Variants in TECPR2 observed in about 807,000 individuals in gnomAD.
The protein encoded by TECPR2 is tectonin beta-propeller repeat containing 2.
TECPR2 carries 65 observed loss-of-function variants against 138.1 expected under a neutral mutation model. The ratio of observed to expected loss-of-function variants is 0.47; its 90% CI spans 0.39 to 0.58. TECPR2 has a LOEUF of 0.58. TECPR2 is among the 20% of genes least tolerant of loss of function. The pLI is 0.00. For missense variants in TECPR2, 1,553 were observed against 1,824.5 expected (o/e 0.85, Z 2.71); for synonymous variants, 746 against 749.8 (o/e 0.99, Z 0.08).
chr14:102,445,836 A>G lies in TECPR2; in HGVS notation c.2964A>G (p.Ile988Met). Residue 988 changes from isoleucine (I) to methionine (M), a missense_variant, in exon 13 of 20, where the codon ATA becomes ATG. Physicochemically the swap from Ile to Met is conservative, Grantham distance 10. Transcript: ENST00000359520. ...SERQALEPVC[I>M]TLGDQQTLWA... ...GGCAAGCTTTAGAACCCGTCTGCAT[A>G]ACGCTCGGGGATCAGCAGACTCTCT... 6.2e-7 allele frequency: 1 copy of G among 1,613,890 alleles called. No individual in the cohort carries two copies. The highest frequency in any genetic ancestry group is 1.1e-5 in the South Asian group (1 of 91,064).
In TECPR2 at chr14:102,498,182, G is replaced by T. The variant is rs150885756; in HGVS notation, c.4161G>T (p.Ser1387=). 6 of 1,611,552 alleles carry T rather than the reference G, an allele frequency of 3.7e-6. No homozygotes were observed. Among genetic ancestry groups the T allele is most frequent in the Admixed American group, 1.7e-5 (1 of 60,020 alleles). ...GGCTGACAAAGACGTTCAGCCACTC[G>T]CACGGCACCCAGAAGAGCAGCCAGG... The part of the protein sequence containing the change: ...LQRLTKTFSH[S]HGTQKSSQAA... The change falls in exon 20 of 20, where the codon TCG becomes TCT. Residue 1387 remains serine (S), a synonymous_variant. Coordinates refer to ENST00000359520, the MANE Select transcript of TECPR2 (RefSeq NM_014844.5).
At chr14:102,406,405 G>A (rs943245985) in intron 2 of TECPR2, among the ~76,000 whole-genome samples, 3 of 152,056 alleles carry the variant, frequency 2.0e-5, no homozygotes, top group African/African-American at 4.8e-5. Context: ...AAAAAGCGGG[G>A]CGTGGTGGCG....
intron 4 of TECPR2, among the ~76,000 whole-genome samples, chr14:102,412,256 C>G (rs922044864): frequency 6.6e-6 from 1 of 151,540 alleles, no homozygotes; most frequent in Non-Finnish European, 1.5e-5. Flanking sequence ...CTTGGCCTCC[C>G]GAGTAGCTGG....
chr14:102,414,981 G>A (rs1888985087), intron 5 of TECPR2, among the ~76,000 whole-genome samples, 188 bp downstream of exon 5: 1 of 152,190 alleles, frequency 6.6e-6, no homozygotes, highest in African/African-American at 2.4e-5. Context: ...CAGACAAGAA[G>A]AGTGTGTTCT....
chr14:102,428,531 T>A, intron 7 of TECPR2, 149 bp downstream of exon 7: 1 of 1,232,074 alleles, frequency 8.1e-7, no homozygotes, highest in Non-Finnish European at 1.1e-6. Context: ...GAGGCTGAGG[T>A]GGGTGGATCG....
At position 102,434,856 on chromosome 14, in the gene TECPR2, A is replaced by G; in HGVS notation, c.2039A>G (p.Glu680Gly). ...GGCAGCCCCGTGGAGCCCAGCCAAG[A>G]GCAGGACATCCTAACCAGCATGGAG... ...DEGSPVEPSQ[E>G]QDILTSMEAS... The change falls in exon 9 of 20, where the codon GAG becomes GGG. Residue 680 changes from glutamate to glycine, a missense_variant. By Grantham distance (98) the Glu-to-Gly change is moderately conservative. Coordinates refer to ENST00000359520, the MANE Select transcript of TECPR2 (RefSeq NM_014844.5). 2 of 1,613,626 alleles carry G rather than the reference A, an allele frequency of 1.2e-6. No individual in the cohort carries two copies. The highest frequency in any genetic ancestry group is 1.7e-6 in the Non-Finnish European group (2 of 1,180,020).
Position 102,497,657 on chromosome 14 carries a change from C to T in TECPR2, c.4019C>T (p.Thr1340Ile). The T allele has an allele frequency of 6.2e-7, 1 of 1,609,536 alleles. No homozygotes were observed. The highest frequency in any genetic ancestry group is 1.1e-5 in the South Asian group (1 of 90,296). Residue 1340 changes from threonine (T) to isoleucine (I), a missense_variant, in exon 19 of 20, where the codon ACA (threonine) becomes ATA (isoleucine). Thr to Ile is a moderately conservative substitution (Grantham distance 89). Transcript: ENST00000359520. ...GACCTCGCCCGGCGGTACGGCGTCA[C>T]AGACAAGAACCCCGCCGGGGACTAC... ...NGDLARRYGV[T>I]DKNPAGDYWK...
At chr14:102,412,428 A>G (rs1196698231) in intron 4 of TECPR2, among the ~76,000 whole-genome samples, 1 of 152,186 alleles carries the variant, frequency 6.6e-6, no homozygotes, top group Non-Finnish European at 1.5e-5. Context: ...CCACCGTGCC[A>G]GCTGATAAAT....
chr14:102,427,408 G>GA (rs1422015169), intron 6 of TECPR2, among the ~76,000 whole-genome samples: 2 of 152,212 alleles, frequency 1.3e-5, no homozygotes, highest in Non-Finnish European at 2.9e-5. Context: ...CACCCTCAGA[G>GA]ACTGGACCAC....
intron 2 of TECPR2, among the ~76,000 whole-genome samples, chr14:102,405,152 A>G (rs751274253): frequency 3.3e-5 from 5 of 151,930 alleles, no homozygotes; most frequent in Non-Finnish European, 7.4e-5. Context: ...TACTAAAAAT[A>G]TAAAAAATTA....
At chr14:102,376,585 G>A (rs1887643882) in intron 1 of TECPR2, 65 bp from the exon 2 acceptor site, 1 of 744,832 alleles carries the variant, frequency 1.3e-6, no homozygotes, top group East Asian at 2.7e-5. Context: ...CATGTTGCCA[G>A]TATTAAACAT....
In TECPR2 at chr14:102,443,932, C is replaced by T. The variant is rs1046843929; in HGVS notation, c.2933+105C>T. ...ATGAGGCCGTTCCTGGGAGGCAGCA[C>T]CTGCAGCCTCCATGGCTATAGGCTA... On this transcript the variant is annotated intron_variant, in intron 12 of 19. Transcript: ENST00000359520. This position sits in a 1 kb window ranked among gnomAD's most constrained non-coding sequence, Gnocchi z 4.9. The T allele has an allele frequency of 5.5e-6, 6 of 1,093,548 alleles. No homozygotes were observed. The highest frequency in any genetic ancestry group is 3.1e-5 in the African/African-American group (2 of 63,690). The allele number at this position is 1,093,548 out of a possible 1,614,324, so 67.7% of individuals were successfully genotyped here.
chr14:102,400,740 A>G, intron 2 of TECPR2, among the ~76,000 whole-genome samples: 1 of 152,158 alleles, frequency 6.6e-6, no homozygotes, highest in Non-Finnish European at 1.5e-5. Context: ...GCATATACAA[A>G]ACAAAATGAC....
intron 7 of TECPR2, among the ~76,000 whole-genome samples, chr14:102,431,024 CTT>C (rs10713792): frequency 1.5e-4 from 18 of 122,596 alleles, no homozygotes; most frequent in African/African-American, 3.7e-4. Context: ...TATTTTTTTA[CTT>C]TTTTTTTTTT....
At chr14:102,487,554 T>A (rs1377839869) in intron 17 of TECPR2, among the ~76,000 whole-genome samples, 2 of 152,202 alleles carry the variant, frequency 1.3e-5, no homozygotes, top group Non-Finnish European at 2.9e-5. Flanking sequence ...TCTTTTCTTT[T>A]TTTTTGAGAT....
chr14:102,436,065 TTA>T (rs1048151306), intron 9 of TECPR2, among the ~76,000 whole-genome samples: 1 of 152,178 alleles, frequency 6.6e-6, no homozygotes, highest in Non-Finnish European at 1.5e-5. Context: ...ACAAAGCACT[TTA>T]GAGGTTTAAC....
In TECPR2 at chr14:102,498,104, G is replaced by A. The variant is rs761053293; in HGVS notation, c.4083G>A (p.Val1361=). ...KIPGSVSCFT[V]TASDELWAVG... is the part of the protein sequence containing the mutation. ...TGTGATTGGCTCTTGTCCCTGCAGT[G>A]ACTGCGTCAGATGAGCTGTGGGCTG... is the stretch of plus-strand genomic sequence containing the variant. Residue 1361 remains valine (V), a splice_region_variant and synonymous_variant, in exon 20 of 20, where the codon GTG becomes GTA. Coordinates refer to ENST00000359520, the MANE Select transcript of TECPR2 (RefSeq NM_014844.5). 6.2e-7 allele frequency: 1 copy of A among 1,613,102 alleles called. No individual in the cohort carries two copies. Among genetic ancestry groups the A allele is most frequent in the African/African-American group, 1.3e-5 (1 of 74,926 alleles).
At chr14:102,467,377 T>G (rs1464644554) in intron 17 of TECPR2, among the ~76,000 whole-genome samples, 4 of 142,902 alleles carry the variant, frequency 2.8e-5, no homozygotes, top group Non-Finnish European at 6.0e-5. Flanking sequence ...TAGTCTGGAG[T>G]GCAATGGCGC....
At chr14:102,408,106 T>G (rs1595107620) in intron 3 of TECPR2, among the ~76,000 whole-genome samples, 1 of 151,274 alleles carries the variant, frequency 6.6e-6, no homozygotes, top group East Asian at 1.9e-4. Context: ...GAGGCAGAGG[T>G]CACAGTGAGC....
Sources: allele counts gnomAD v4.1 joint callset (sites outside exome capture counted in the v4.1 genomes callset), GRCh38; gene constraint gnomAD v4.1.1; non-coding constraint Gnocchi (gnomAD v3.1); transcripts MANE v1.5; gene names NCBI Gene and HGNC (gene_info 2026-07-23, HGNC 2026-07-21).